PPP2R5E: variants seen among roughly 807,000 people sequenced by gnomAD.
PPP2R5E encodes serine/threonine-protein phosphatase 2A 56 kDa regulatory subunit epsilon isoform.
A neutral mutation model predicts 65.3 loss-of-function variants in PPP2R5E; 4 were observed. The ratio of observed to expected loss-of-function variants is 0.06; its 90% CI spans 0.03 to 0.14. PPP2R5E has a LOEUF of 0.14. Ranked by LOEUF, PPP2R5E falls within the 10% of genes least tolerant of loss-of-function variation. The pLI, the probability that PPP2R5E is intolerant of heterozygous loss-of-function variation, is 1.00. For synonymous variants in PPP2R5E, 183 were observed against 187.4 expected (o/e 0.98, Z 0.19); for missense variants, 274 against 556.1 (o/e 0.49, Z 5.10).
chr14:63,423,316 C>T (rs1887142983), intron 3 of PPP2R5E, among the ~76,000 whole-genome samples: 2 of 152,270 alleles, frequency 1.3e-5, no homozygotes, highest in South Asian at 4.1e-4. Context: ...AGGCTAGTCT[C>T]GAACTCCTGA....
At chr14:63,493,234 C>A (rs1262603277) in intron 2 of PPP2R5E, among the ~76,000 whole-genome samples, 1 of 151,414 alleles carries the variant, frequency 6.6e-6, no homozygotes, top group Non-Finnish European at 1.5e-5. Flanking sequence ...ACCCCAAACT[C>A]CTGGGCTCAA....
intron 2 of PPP2R5E, among the ~76,000 whole-genome samples, chr14:63,513,176 A>T (rs906899231): frequency 2.6e-5 from 4 of 152,196 alleles, no homozygotes; most frequent in Admixed American, 2.6e-4. Context: ...AGTCTTCAGG[A>T]AGAAAGAAAA....
At chr14:63,463,541 T>C (rs10149549) in intron 2 of PPP2R5E, among the ~76,000 whole-genome samples, 49,760 of 151,654 alleles carry the variant, frequency 0.33, 10,874 homozygotes, top group African/African-American at 0.62. Context: ...CTATGTTCCC[T>C]TATTAATATC....
rs1884620882 is a variant in PPP2R5E at position 63,385,674 on chromosome 14, A to G, written c.1075-1103T>C. Among the ~76,000 whole-genome samples, 3 of 152,104 alleles carry G rather than the reference A, an allele frequency of 2.0e-5. No homozygotes were observed. The South Asian group carries it at 6.2e-4, about 32-fold the overall frequency. On this transcript the variant is annotated intron_variant, in intron 11 of 13. Coordinates refer to ENST00000337537, the MANE Select transcript of PPP2R5E (RefSeq NM_006246.5). ...AGTAGAATGTATCATCCTTACCACC[A>G]TCCCAGAAGGAGATACCATTGTGCT...
rs1225793418 is a variant in PPP2R5E at position 63,384,569 on chromosome 14, C to T, written c.1077G>A (p.Val359=). 1.9e-6 allele frequency: 3 copies of T among 1,604,560 alleles called. No individual in the cohort carries two copies. The African/African-American group carries it at 4.0e-5, about 22-fold the overall frequency. ...TCCAATAATAGAGTGCTCTTTCTGC[C>T]ACCTTTGGGAAAAGAAAAATAAAAT... ...AKCVSSPHFQ[V]AERALYYWNN... The change falls in exon 12 of 14, where the codon GTG becomes GTA. Residue 359 remains valine (V), a splice_region_variant and synonymous_variant. Transcript: ENST00000337537.
rs770156529 is a variant in PPP2R5E, at chr14:63,485,825, C to CT, written c.158-31941dup. Among the ~76,000 whole-genome samples the CT allele has an allele frequency of 9.0e-3, 1,176 of 130,614 alleles. 7 individuals carry two copies. The highest frequency in any genetic ancestry group is 0.012 in the Non-Finnish European group (757 of 61,786). The allele number at this position is 130,614 out of a possible 152,430, so 85.7% of individuals were successfully genotyped here. ...TTGTCATTGTACATATACTGACAAA[C>CT]TTTTTTTTTTTTTTTTTTTTTGATA... On this transcript the variant is annotated intron_variant, in intron 2 of 13. Transcript: ENST00000337537.
chr14:63,449,872 A>ATT (rs35931655), intron 3 of PPP2R5E, among the ~76,000 whole-genome samples: 3,250 of 105,378 alleles, frequency 0.031, 238 homozygotes, highest in African/African-American at 0.11. Flanking sequence ...TTCTTTTCCT[A>ATT]TTTTTTTTTT....
intron 2 of PPP2R5E, among the ~76,000 whole-genome samples, chr14:63,499,859 G>T (rs746239836): frequency 2.6e-5 from 4 of 152,166 alleles, no homozygotes; most frequent in Non-Finnish European, 4.4e-5. Flanking sequence ...GGCTTGCTCC[G>T]GGTCATTCAG....
chr14:63,389,472 G>T, intron 11 of PPP2R5E, 140 bp downstream of exon 11: 1 of 985,588 alleles, frequency 1.0e-6, no homozygotes, highest in Non-Finnish European at 1.4e-6. Flanking sequence ...AGATAAGCTG[G>T]CCACTATTAA....
intron 2 of PPP2R5E, among the ~76,000 whole-genome samples, chr14:63,469,566 C>A (rs997867112): frequency 5.3e-5 from 8 of 152,098 alleles, no homozygotes; most frequent in African/African-American, 1.9e-4. Context: ...TGGTGGCGAG[C>A]GCCTGTAGTC....
chr14:63,384,166 T>A (rs1009211268), intron 12 of PPP2R5E, among the ~76,000 whole-genome samples: 5 of 151,698 alleles, frequency 3.3e-5, no homozygotes, highest in African/African-American at 1.2e-4. Context: ...ATGCTGTCAG[T>A]ATCTACACAC....
chr14:63,409,917 T>C (rs76508397), intron 5 of PPP2R5E, among the ~76,000 whole-genome samples: 1,566 of 152,362 alleles, frequency 0.01, 17 homozygotes, highest in African/African-American at 0.02. Flanking sequence ...AGAGTTTGTA[T>C]GCAGTTTCTT....
chr14:63,406,633 T>C (rs1307910983), intron 5 of PPP2R5E, among the ~76,000 whole-genome samples: 1 of 152,204 alleles, frequency 6.6e-6, no homozygotes, highest in East Asian at 1.9e-4. Context: ...TACTTAATCA[T>C]GTACCATTTG....
At chr14:63,477,143 G>A (rs571183537) in intron 2 of PPP2R5E, among the ~76,000 whole-genome samples, 90 of 151,990 alleles carry the variant, frequency 5.9e-4, no homozygotes, top group African/African-American at 2.0e-3. Context: ...GCATCATTTC[G>A]TAAAAAAAGA....
intron 2 of PPP2R5E, among the ~76,000 whole-genome samples, chr14:63,533,028 G>T (rs1247434091): frequency 2.0e-5 from 3 of 151,908 alleles, no homozygotes; most frequent in African/African-American, 4.8e-5. Context: ...TTAGAGACAG[G>T]CCTGCTATGT....
chr14:63,479,586 A>T (rs1304817701), intron 2 of PPP2R5E, among the ~76,000 whole-genome samples: 1 of 152,228 alleles, frequency 6.6e-6, no homozygotes, highest in Admixed American at 6.5e-5. Flanking sequence ...TTAAGTCTTT[A>T]GTACAATAAA....
At chr14:63,525,018 G>C (rs7153729) in intron 2 of PPP2R5E, among the ~76,000 whole-genome samples, 1 of 152,076 alleles carries the variant, frequency 6.6e-6, no homozygotes, top group Non-Finnish European at 1.5e-5. Flanking sequence ...GAGCCAGACC[G>C]GCCTAGGGTC....
Position 63,422,422 on chromosome 14 carries a change from G to A in PPP2R5E, c.355-328C>T, listed in dbSNP as rs1024103557. Among the ~76,000 whole-genome samples the A allele has an allele frequency of 2.6e-5, 4 of 152,114 alleles. No individual in the cohort carries two copies. The East Asian group carries it at 7.7e-4, about 29-fold the overall frequency. ...CAAGCATGTTTCTGATTAACCAACT[G>A]ACATAAGAAATAAATAACTGCTGGC... On this transcript the variant is annotated intron_variant, in intron 3 of 13. Coordinates refer to ENST00000337537, the MANE Select transcript of PPP2R5E (RefSeq NM_006246.5).
At chr14:63,523,471 G>C (rs376181034) in intron 2 of PPP2R5E, among the ~76,000 whole-genome samples, 1 of 151,956 alleles carries the variant, frequency 6.6e-6, no homozygotes, top group Admixed American at 6.5e-5. Flanking sequence ...GATTAAGGGC[G>C]GTGCAAGATG....
Sources: gnomAD v4.1 joint callset for allele counts (sites outside exome capture counted in the v4.1 genomes callset) on GRCh38, gnomAD v4.1.1 for gene constraint, MANE v1.5 for transcripts, NCBI Gene and HGNC (gene_info 2026-07-23, HGNC 2026-07-21) for gene names.